Variants in IGSF6 observed in about 807,000 individuals in gnomAD.
IGSF6 encodes the protein immunoglobulin superfamily member 6.
A neutral mutation model predicts 24.7 loss-of-function variants in IGSF6; 23 were observed. That is an observed-to-expected ratio of 0.93 (90% confidence interval 0.67 to 1.32). The LOEUF is 1.32. IGSF6 is among the 40% of genes most tolerant of loss of function. The probability of loss-of-function intolerance (pLI) is 0.00; values close to 1 mark genes in which losing one functional copy is unlikely to be tolerated. For missense variants in IGSF6, 295 were observed against 293.6 expected, an observed-to-expected ratio of 1.00 and a Z score of -0.04; for synonymous variants, 110 against 113.7, an observed-to-expected ratio of 0.97 and a Z score of 0.21.
chr16:21,642,076 C>T (rs1404787701), intron 5 of IGSF6: 1 of 152,312 alleles, frequency 6.6e-6, no homozygotes, highest in Non-Finnish European at 1.5e-5. Flanking sequence ...GCAGCACATA[C>T]ACTAAAATTG....
chr16:21,648,246 A>G (rs542526945), intron 1 of IGSF6, among the ~76,000 whole-genome samples: 11 of 152,286 alleles, frequency 7.2e-5, no homozygotes, highest in Non-Finnish European at 1.6e-4. Flanking sequence ...ATATTGTGAT[A>G]AAGAGCACAG....
At chr16:21,648,198 T>C (rs977200717) in intron 1 of IGSF6, among the ~76,000 whole-genome samples, 5 of 152,184 alleles carry the variant, frequency 3.3e-5, no homozygotes, top group African/African-American at 1.2e-4. Flanking sequence ...GTGTGCTGCT[T>C]TGTAGGCCCT....
rs1224309336 is a variant in IGSF6 at position 21,646,086 on chromosome 16, A to G, written c.427+1047T>C. ...GTCCTTCCTAAGGGAAGAGACCCCAACAAGGCGAGGAGTTGCTGCTGTTCT... is the reference window on the plus strand; with the variant it reads ...GTCCTTCCTAAGGGAAGAGACCCCAGCAAGGCGAGGAGTTGCTGCTGTTCT... On this transcript the variant is annotated intron_variant, in intron 2 of 5. Transcript: ENST00000268389. 2.6e-5 allele frequency among the ~76,000 whole-genome samples: 4 copies of G among 152,134 alleles called. No homozygotes were observed. In the East Asian group the frequency reaches 7.7e-4, roughly 29 times the overall value.
In IGSF6 at chr16:21,648,959, G is replaced by A. The variant is rs768380243; in HGVS notation, c.68-1467C>T. Among the ~76,000 whole-genome samples the A allele has an allele frequency of 8.9e-4, 136 of 152,164 alleles. 1 individual carries two copies. Among genetic ancestry groups the A allele is most frequent in the Middle Eastern group, 3.4e-3 (1 of 294 alleles). ...GTTAGAATCATGGCGTTTGTGATGC[G>A]AGTCTCTTCTCACCATGTTTTTTTG... On this transcript the variant is annotated intron_variant, in intron 1 of 5. Coordinates refer to ENST00000268389, the MANE Select transcript of IGSF6 (RefSeq NM_005849.4).
At chr16:21,643,527 T>A in intron 4 of IGSF6, 21 bp downstream of exon 4, 6 of 1,501,182 alleles carry the variant, frequency 4.0e-6, no homozygotes, top group Non-Finnish European at 5.5e-6. Flanking sequence ...TAAAAAATAT[T>A]TTTCAAGTGT....
chr16:21,646,133 T>G (rs1284213247), intron 2 of IGSF6, among the ~76,000 whole-genome samples: 1 of 143,390 alleles, frequency 7.0e-6, no homozygotes, highest in East Asian at 2.0e-4. Flanking sequence ...CAGAATCATG[T>G]AAAGCTTTTT....
In IGSF6 at chr16:21,647,341, G is replaced by T. The variant is rs1434156255; in HGVS notation, c.219C>A (p.His73Gln). The T allele has an allele frequency of 1.9e-6, 3 of 1,614,038 alleles. No homozygotes were observed. Among genetic ancestry groups the T allele is most frequent in the African/African-American group, 1.3e-5 (1 of 74,888 alleles). The part of the protein sequence containing the change: ...PTCLWFRYGA[H>Q]QPENLCLDGC... ...CGTCCAAGCACAGGTTCTCAGGCTG[G>T]TGAGCACCGTAGCGAAACCACAGGC... The change falls in exon 2 of 6, where the codon CAC becomes CAA. Residue 73 changes from histidine to glutamine, a missense_variant. Physicochemically the swap from His to Gln is conservative, Grantham distance 24 (BLOSUM62 0). Coordinates refer to ENST00000268389, the MANE Select transcript of IGSF6 (RefSeq NM_005849.4).
At chr16:21,647,777 C>A (rs552662569) in intron 1 of IGSF6, among the ~76,000 whole-genome samples, 1 of 152,014 alleles carries the variant, frequency 6.6e-6, no homozygotes, top group Non-Finnish European at 1.5e-5. Context: ...GAGGTGGCAC[C>A]GTATTGGACT....
At chr16:21,643,480 T>C in intron 4 of IGSF6, 68 bp downstream of exon 4, 4 of 1,022,916 alleles carry the variant, frequency 3.9e-6, no homozygotes, top group East Asian at 2.5e-5. Context: ...AGCTAAAAAA[T>C]ATTTCAGTTT....
At chr16:21,643,203 A>G (rs1966323981) in intron 4 of IGSF6, 49 bp from the exon 5 acceptor site, 6 of 1,394,574 alleles carry the variant, frequency 4.3e-6, no homozygotes, top group Non-Finnish European at 6.0e-6. Flanking sequence ...AATATAAGCG[A>G]TGATAACGAC....
intron 5 of IGSF6, chr16:21,642,185 A>G (rs1191025444): frequency 2.0e-5 from 3 of 152,126 alleles, no homozygotes; most frequent in Non-Finnish European, 4.4e-5. Context: ...ATTAAAGTAA[A>G]AGTTGGACTT....
chr16:21,647,605 C>T (rs967637627), intron 1 of IGSF6, 113 bp from the exon 2 acceptor site: 58 of 1,331,190 alleles, frequency 4.4e-5, no homozygotes, highest in Non-Finnish European at 5.5e-5. Flanking sequence ...TACCTTAATC[C>T]CAATATAAAT....
intron 1 of IGSF6, among the ~76,000 whole-genome samples, chr16:21,650,380 C>T (rs765626535): frequency 3.3e-5 from 5 of 151,698 alleles, no homozygotes; most frequent in Admixed American, 6.6e-5. Context: ...TGGTGGTGGA[C>T]GCCTGTAATC....
At chr16:21,651,234 A>G (rs146862750) in intron 1 of IGSF6, among the ~76,000 whole-genome samples, 2 of 152,264 alleles carry the variant, frequency 1.3e-5, no homozygotes, top group Non-Finnish European at 2.9e-5. Context: ...AACAAACAAA[A>G]AAGCCATATT....
intron 2 of IGSF6, 103 bp downstream of exon 2, chr16:21,647,025 ATTAAC>A (rs1424457538): frequency 7.0e-7 from 1 of 1,422,434 alleles, no homozygotes; most frequent in African/African-American, 1.4e-5. Context: ...TGGCTAGGGT[ATTAAC>A]TTAGCAAATT....
chr16:21,642,977 A>T, intron 5 of IGSF6, 97 bp downstream of exon 5: 1 of 754,216 alleles, frequency 1.3e-6, no homozygotes, highest in Non-Finnish European at 2.3e-6. Context: ...GACTCTTCTG[A>T]AGGAAAACAT....
chr16:21,646,832 T>G, intron 2 of IGSF6: 2 of 375,210 alleles, frequency 5.3e-6, no homozygotes, highest in East Asian at 6.6e-5. Context: ...ATTTTTGTAT[T>G]TTGAGTAGAG....
chr16:21,643,182 T>C, intron 4 of IGSF6, 28 bp from the exon 5 acceptor site: 3 of 1,536,704 alleles, frequency 2.0e-6, no homozygotes, highest in Non-Finnish European at 2.7e-6. Context: ...AAAAAAAAAT[T>C]CTCTTTTGGG....
chr16:21,647,431 A>G lies in IGSF6; in HGVS notation c.129T>C (p.Thr43=). Residue 43 remains threonine, a synonymous_variant, in exon 2 of 6, where the codon ACT becomes ACC. Coordinates refer to ENST00000268389, the MANE Select transcript of IGSF6 (RefSeq NM_005849.4). ...TQPWYLEVDY[T]HEAVTIKCTF... ...TACACTTTATGGTGACGGCCTCATG[A>G]GTGTAGTCCACTTCTAGGTACCACG... is the stretch of plus-strand genomic sequence containing the variant. 6.2e-7 allele frequency: 1 copy of G among 1,613,990 alleles called. No homozygotes were observed. The highest frequency in any genetic ancestry group is 8.5e-7 in the Non-Finnish European group (1 of 1,179,978).
Sources: gnomAD v4.1 joint callset for allele counts (sites outside exome capture counted in the v4.1 genomes callset) on GRCh38, gnomAD v4.1.1 for gene constraint, MANE v1.5 for transcripts, NCBI Gene and HGNC (gene_info 2026-07-23, HGNC 2026-07-21) for gene names.